Variants in HS3ST3B1 observed in about 807,000 individuals in gnomAD.
The protein encoded by HS3ST3B1 is heparan sulfate glucosamine 3-O-sulfotransferase 3B1.
In HS3ST3B1, 13 loss-of-function variants were observed where a neutral mutation model predicts 21.3. That is an observed-to-expected ratio of 0.61 (90% confidence interval 0.40 to 0.97). HS3ST3B1 has a LOEUF of 0.97. Among genes scored for constraint, HS3ST3B1 ranks in the 50% least tolerant of loss-of-function variants. HS3ST3B1 has a pLI of 0.00. For synonymous variants in HS3ST3B1, 234 were observed against 254.8 expected (o/e 0.92, Z 0.78); for missense variants, 459 against 554.8 (o/e 0.83, Z 1.73).
At chr17:14,339,329 G>T (rs753678289) in intron 1 of HS3ST3B1, among the ~76,000 whole-genome samples, 6 of 152,044 alleles carry the variant, frequency 3.9e-5, no homozygotes, top group Non-Finnish European at 7.4e-5. Context: ...AATTATGATC[G>T]GCAGTGATCT....
At chr17:14,309,430 C>T (rs1460450794) in intron 1 of HS3ST3B1, among the ~76,000 whole-genome samples, 1 of 152,224 alleles carries the variant, frequency 6.6e-6, no homozygotes, top group Non-Finnish European at 1.5e-5. Context: ...GCTGAGCGGC[C>T]CGCGCTAGAG....
intron 1 of HS3ST3B1, among the ~76,000 whole-genome samples, chr17:14,302,994 C>A (rs930601785): frequency 1.3e-5 from 2 of 152,168 alleles, no homozygotes. Flanking sequence ...GGGTCAGGTT[C>A]CAAAGGGACA....
chr17:14,336,573 C>G (rs759098258), intron 1 of HS3ST3B1, among the ~76,000 whole-genome samples: 1 of 152,118 alleles, frequency 6.6e-6, no homozygotes. Context: ...GCCCTGGGAC[C>G]GCCATTCCCC....
At position 14,303,889 on chromosome 17, in the gene HS3ST3B1, A is replaced by T. The variant is rs1329872427; in HGVS notation, c.554+1817A>T. Reference sequence around the variant, plus strand: ...ACACACTTGGGCCGGGTTGGGAGGAACTGGCAGGAAAAGGACTGAACCCTT... The same window carrying T: ...ACACACTTGGGCCGGGTTGGGAGGATCTGGCAGGAAAAGGACTGAACCCTT... On this transcript the variant is annotated intron_variant, in intron 1 of 1. Transcript: ENST00000360954. The surrounding 1 kb of genome is among the most constrained non-coding windows in gnomAD (Gnocchi z 5.7). 1 of 152,266 alleles carries T rather than the reference A, an allele frequency of 6.6e-6. No individual in the cohort carries two copies. Among genetic ancestry groups the T allele is most frequent in the African/African-American group, 2.4e-5 (1 of 41,446 alleles). 9.4% of individuals were successfully genotyped at this position (152,266 alleles called of 1,614,324 possible). A position where few individuals can be genotyped will look rare whatever the true frequency, so the allele number is the denominator to read the frequency against.
chr17:14,337,334 T>A (rs1241196125), intron 1 of HS3ST3B1, among the ~76,000 whole-genome samples: 1 of 148,374 alleles, frequency 6.7e-6, no homozygotes. Flanking sequence ...CTGATTGGAT[T>A]TTTTTTTTTT....
At chr17:14,326,016 TGTGTACGTGTGTGTGTGTGCACGCAC>T (rs1215217241) in intron 1 of HS3ST3B1, among the ~76,000 whole-genome samples, 2 of 152,100 alleles carry the variant, frequency 1.3e-5, no homozygotes, top group African/African-American at 2.4e-5. Context: ...TGTGTGTGTG[TGTGTACGTGTGTGTGTGTGCACGCAC>T]GTGTGTGCGT....
chr17:14,342,709 A>G (rs1306580596), intron 1 of HS3ST3B1, among the ~76,000 whole-genome samples: 1 of 152,196 alleles, frequency 6.6e-6, no homozygotes, highest in African/African-American at 2.4e-5. Flanking sequence ...CGCCCAGAAA[A>G]GTTAAATAAA....
rs1182189792 is a variant in HS3ST3B1, at chr17:14,337,121, T to G, written c.555-7907T>G. Among the ~76,000 whole-genome samples the G allele has an allele frequency of 2.6e-5, 4 of 152,338 alleles. No individual in the cohort carries two copies. In the East Asian group the frequency reaches 5.8e-4, roughly 22 times the overall value. ...CTTTACCTGTCTGTTTTTCTTCTGCTTAGGGTAATATTATTTAACTTTTGA... is the reference window on the plus strand; with the variant it reads ...CTTTACCTGTCTGTTTTTCTTCTGCGTAGGGTAATATTATTTAACTTTTGA... On this transcript the variant is annotated intron_variant, in intron 1 of 1. Transcript: ENST00000360954.
Position 14,345,080 on chromosome 17 carries a change from A to G in HS3ST3B1, c.607A>G (p.Ser203Gly), listed in dbSNP as rs1910508552. ...DGQITMEKTP[S>G]YFVTREAPAR... ...GCAGATCACCATGGAGAAGACGCCCAGTTACTTCGTCACGCGGGAGGCCCC... is the reference window on the plus strand; with the variant it reads ...GCAGATCACCATGGAGAAGACGCCCGGTTACTTCGTCACGCGGGAGGCCCC... The change falls in exon 2 of 2, where the codon AGT becomes GGT. Residue 203 changes from serine (S) to glycine (G), a missense_variant. Transcript: ENST00000360954. The G allele has an allele frequency of 1.9e-6, 3 of 1,574,268 alleles. No individual in the cohort carries two copies. The highest frequency in any genetic ancestry group is 1.7e-6 in the Non-Finnish European group (2 of 1,158,052).
chr17:14,312,532 C>G (rs1485640038), intron 1 of HS3ST3B1, among the ~76,000 whole-genome samples: 1 of 152,110 alleles, frequency 6.6e-6, no homozygotes, highest in Non-Finnish European at 1.5e-5. Context: ...CCTAGCCTGT[C>G]TCTGTTGCTC....
chr17:14,302,216 C>A, intron 1 of HS3ST3B1, 144 bp downstream of exon 1: 1 of 1,022,130 alleles, frequency 9.8e-7, no homozygotes, highest in Non-Finnish European at 1.4e-6. Context: ...GATTGCGCAG[C>A]GCATCCTGTC....
chr17:14,345,227 G>C lies in HS3ST3B1; in HGVS notation c.754G>C (p.Glu252Gln). 1 of 1,402,706 alleles carries C rather than the reference G, an allele frequency of 7.1e-7. No individual in the cohort carries two copies. Among genetic ancestry groups the C allele is most frequent in the Non-Finnish European group, 9.9e-7 (1 of 1,009,248 alleles). The allele number at this position is 1,402,706 out of a possible 1,614,324, so 86.9% of individuals were successfully genotyped here. A position where few individuals can be genotyped will look rare whatever the true frequency, so the allele number is the denominator to read the frequency against. The change falls in exon 2 of 2, where the codon GAG becomes CAG. Residue 252 changes from glutamate (E) to glutamine (Q), a missense_variant. By Grantham distance (29) the Glu-to-Gln change is conservative. This residue lies in a region of HS3ST3B1 where 127 missense variants were observed against 209.9 expected (regional missense o/e 0.60). Transcript: ENST00000360954. ...LSKRPDIPTFESLTFKNRTAG... is the reference protein window; with the variant it reads ...LSKRPDIPTFQSLTFKNRTAG... ...CAAGCGGCCCGACATCCCCACCTTC[G>C]AGAGCTTGACGTTCAAAAACAGGAC... is the stretch of plus-strand genomic sequence containing the variant.
At chr17:14,318,456 G>A (rs925265485) in intron 1 of HS3ST3B1, among the ~76,000 whole-genome samples, 7 of 152,180 alleles carry the variant, frequency 4.6e-5, no homozygotes, top group Non-Finnish European at 8.8e-5. Flanking sequence ...GCCATGCTTG[G>A]CTCCTGCTTG....
At chr17:14,341,182 A>G (rs1910369459) in intron 1 of HS3ST3B1, among the ~76,000 whole-genome samples, 3 of 152,148 alleles carry the variant, frequency 2.0e-5, no homozygotes, top group Non-Finnish European at 4.4e-5. Flanking sequence ...ACAATTGCCG[A>G]TTTAGCATTC....
intron 1 of HS3ST3B1, among the ~76,000 whole-genome samples, chr17:14,336,099 C>T (rs929138111): frequency 2.6e-5 from 4 of 152,084 alleles, no homozygotes; most frequent in Admixed American, 2.0e-4. Context: ...TGAATGTTTC[C>T]CTTGCTCTTC....
chr17:14,322,701 G>T (rs1369178109), intron 1 of HS3ST3B1, among the ~76,000 whole-genome samples: 1 of 151,952 alleles, frequency 6.6e-6, no homozygotes, highest in Non-Finnish European at 1.5e-5. Flanking sequence ...TAGAAAACCT[G>T]GAAGAGTCCA....
At position 14,342,420 on chromosome 17, in the gene HS3ST3B1, C is replaced by T. The variant is rs138257577; in HGVS notation, c.555-2608C>T. On this transcript the variant is annotated intron_variant, in intron 1 of 1. Transcript: ENST00000360954. ...AACTTTCTGATTGTAGATCTGTGAT[C>T]AAAGCTTAGTATCCACTTAGTTAAC... 6.9e-3 allele frequency among the ~76,000 whole-genome samples: 1,049 copies of T among 151,978 alleles called. 9 individuals carry two copies. The highest frequency in any genetic ancestry group is 0.024 in the African/African-American group (995 of 41,418).
intron 1 of HS3ST3B1, among the ~76,000 whole-genome samples, chr17:14,344,729 T>C (rs946342754): frequency 2.0e-5 from 3 of 152,226 alleles, no homozygotes; most frequent in Middle Eastern, 3.4e-3. Context: ...TGGGGCAATC[T>C]GAAAGCTGGG....
At chr17:14,316,719 T>C (rs1006105) in intron 1 of HS3ST3B1, among the ~76,000 whole-genome samples, 80,971 of 152,092 alleles carry the variant, frequency 0.53, 23,523 homozygotes, top group East Asian at 0.76. Flanking sequence ...AAAATGCATT[T>C]TCCCCCTTTT....
Sources: gnomAD v4.1 joint callset for allele counts (sites outside exome capture counted in the v4.1 genomes callset) on GRCh38, gnomAD v4.1.1 for gene constraint, gnomAD v4.1.1 regional missense constraint, Gnocchi (gnomAD v3.1) non-coding constraint, MANE v1.5 for transcripts, NCBI Gene and HGNC (gene_info 2026-07-23, HGNC 2026-07-21) for gene names.